LRRC7: variants seen among roughly 807,000 people sequenced by gnomAD.
LRRC7 encodes the protein leucine-rich repeat-containing protein 7.
A neutral mutation model predicts 175.7 loss-of-function variants in LRRC7; 23 were observed. That is an observed-to-expected ratio of 0.13 (90% CI 0.09 to 0.19). The LOEUF is 0.19. LRRC7 is among the 10% of genes least tolerant of loss of function. LRRC7 has a pLI of 1.00. For synonymous variants in LRRC7, 685 were observed against 680.9 expected (o/e 1.01, Z -0.09); for missense variants, 1,354 against 1,904.7 (o/e 0.71, Z 5.38).
chr1:69,680,113 GAGC>G (rs761659533), intron 2 of LRRC7, among the ~76,000 whole-genome samples: 1 of 152,012 alleles, frequency 6.6e-6, no homozygotes, highest in Non-Finnish European at 1.5e-5. Context: ...TCCAGGCTAA[GAGC>G]AGCAGCAGCA....
chr1:70,036,359 C>G, intron 19 of LRRC7, 85 bp from the exon 20 acceptor site: 1 of 1,430,756 alleles, frequency 7.0e-7, no homozygotes, highest in Non-Finnish European at 9.6e-7. Context: ...TAACCTTAAT[C>G]GGTATGGTTT....
At chr1:69,905,732 C>A (rs1646284959) in intron 7 of LRRC7, among the ~76,000 whole-genome samples, 1 of 152,158 alleles carries the variant, frequency 6.6e-6, no homozygotes, top group African/African-American at 2.4e-5. Context: ...GTGCATGTGT[C>A]TTTATAGCAG....
chr1:69,988,811 A>G (rs1364574405), intron 10 of LRRC7, among the ~76,000 whole-genome samples: 1 of 152,222 alleles, frequency 6.6e-6, no homozygotes, highest in Non-Finnish European at 1.5e-5. Context: ...TCTGAACTCC[A>G]GAAACCTGGG....
intron 7 of LRRC7, among the ~76,000 whole-genome samples, chr1:69,850,769 G>A (rs1191352065): frequency 2.0e-5 from 3 of 152,050 alleles, no homozygotes; most frequent in African/African-American, 7.2e-5. Context: ...GGGGAATTGG[G>A]AATTTGATAT....
intron 1 of LRRC7, among the ~76,000 whole-genome samples, chr1:69,651,904 T>A (rs1157959660): frequency 6.6e-6 from 1 of 151,968 alleles, no homozygotes; most frequent in Non-Finnish European, 1.5e-5. Flanking sequence ...GGAGGCCCAC[T>A]GAGAACAAGA....
intron 4 of LRRC7, among the ~76,000 whole-genome samples, chr1:69,818,664 T>G (rs1308366056): frequency 6.6e-6 from 1 of 152,092 alleles, no homozygotes; most frequent in Non-Finnish European, 1.5e-5. Context: ...TTCAATTGTT[T>G]GAGAAGGTTG....
chr1:69,795,866 G>T (rs1317527289), intron 4 of LRRC7, among the ~76,000 whole-genome samples: 1 of 150,588 alleles, frequency 6.6e-6, no homozygotes, highest in Admixed American at 6.6e-5. Context: ...GAACTATTGT[G>T]TACAGAAAGA....
At position 69,577,772 on chromosome 1, in the gene LRRC7, G is replaced by C. The variant is rs370115949; in HGVS notation, c.2+9131G>C. ...TTTGGTACCAATGCCATGCTGTTTTGGTTACTGTAGCCTTGTAGTATAGTT... is the reference window on the plus strand; with the variant it reads ...TTTGGTACCAATGCCATGCTGTTTTCGTTACTGTAGCCTTGTAGTATAGTT... On this transcript the variant is annotated intron_variant, in intron 1 of 26. Transcript: ENST00000651989. Among the ~76,000 whole-genome samples, 432 of 152,232 alleles carry C rather than the reference G, an allele frequency of 2.8e-3. 1 individual carries two copies. The highest frequency in any genetic ancestry group is 9.7e-3 in the African/African-American group (402 of 41,546).
At chr1:70,003,127 GC>G (rs1396058442) in intron 11 of LRRC7, among the ~76,000 whole-genome samples, 1 of 152,120 alleles carries the variant, frequency 6.6e-6, no homozygotes, top group African/African-American at 2.4e-5. Flanking sequence ...CCACCATGTT[GC>G]TGTGAGTTTA....
At chr1:69,865,924 T>G (rs1369828750) in intron 7 of LRRC7, among the ~76,000 whole-genome samples, 1 of 152,140 alleles carries the variant, frequency 6.6e-6, no homozygotes, top group East Asian at 1.9e-4. Context: ...CTCTGCCAAA[T>G]GGAAAATAAC....
chr1:69,664,721 T>G (rs1471939888), intron 1 of LRRC7, among the ~76,000 whole-genome samples: 1 of 152,210 alleles, frequency 6.6e-6, no homozygotes, highest in African/African-American at 2.4e-5. Flanking sequence ...GTCAGATGGG[T>G]AGTTTGCACA....
chr1:70,008,734 T>C (rs1161300075), intron 11 of LRRC7, among the ~76,000 whole-genome samples: 1 of 152,196 alleles, frequency 6.6e-6, no homozygotes, highest in Admixed American at 6.5e-5. Context: ...GTTGTAGTGC[T>C]TTAATGGTTA....
At chr1:70,018,952 T>C in intron 15 of LRRC7, 134 bp downstream of exon 15, 2 of 583,862 alleles carry the variant, frequency 3.4e-6, no homozygotes, top group East Asian at 2.9e-5. Context: ...CACACAAATA[T>C]CATTTGGGGA....
At chr1:69,700,143 A>G (rs1663162724) in intron 2 of LRRC7, among the ~76,000 whole-genome samples, 1 of 152,098 alleles carries the variant, frequency 6.6e-6, no homozygotes. Flanking sequence ...AAAGGTGTGG[A>G]CCTGAACTTA....
intron 7 of LRRC7, among the ~76,000 whole-genome samples, chr1:69,911,994 T>C (rs1350022591): frequency 6.6e-6 from 1 of 152,092 alleles, no homozygotes; most frequent in Non-Finnish European, 1.5e-5. Context: ...TTACAAAGCA[T>C]TTACATTGTA....
chr1:69,619,024 G>T (rs1198888415), intron 1 of LRRC7, among the ~76,000 whole-genome samples: 3 of 152,072 alleles, frequency 2.0e-5, no homozygotes, highest in African/African-American at 7.2e-5. Context: ...ACAGTGAGTG[G>T]CTTAGATAAT....
chr1:69,888,129 G>C (rs1475632553), intron 7 of LRRC7, among the ~76,000 whole-genome samples: 1 of 141,730 alleles, frequency 7.1e-6, no homozygotes, highest in Non-Finnish European at 1.5e-5. Context: ...GCCTCCTTGA[G>C]CTGTGGTGGG....
intron 4 of LRRC7, among the ~76,000 whole-genome samples, chr1:69,793,556 T>C (rs1043577770): frequency 6.6e-6 from 1 of 152,064 alleles, no homozygotes; most frequent in Non-Finnish European, 1.5e-5. Context: ...AAATGTACTG[T>C]CAAAGAAGCA....
intron 7 of LRRC7, among the ~76,000 whole-genome samples, chr1:69,890,736 T>C (rs552147507): frequency 6.6e-6 from 1 of 152,354 alleles, no homozygotes; most frequent in African/African-American, 2.4e-5. Context: ...TCATTAATTA[T>C]CTGAGCTAGA....
Sources: gnomAD v4.1 joint callset for allele counts (sites outside exome capture counted in the v4.1 genomes callset) on GRCh38, gnomAD v4.1.1 for gene constraint, MANE v1.5 for transcripts, NCBI Gene and HGNC (gene_info 2026-07-23, HGNC 2026-07-21) for gene names.